Variants in PTPRN2 observed in about 807,000 individuals in gnomAD.
The protein encoded by PTPRN2 is receptor-type tyrosine-protein phosphatase N2.
A neutral mutation model predicts 118.8 loss-of-function variants in PTPRN2; 74 were observed. The observed-to-expected ratio is 0.62, with a 90% confidence interval of 0.52 to 0.76. The LOEUF is 0.76. Among genes scored for constraint, PTPRN2 ranks in the 30% least tolerant of loss-of-function variants. PTPRN2 has a pLI of 0.00. For synonymous variants in PTPRN2, 641 were observed against 608.0 expected (o/e 1.05, Z -0.80); for missense variants, 1,481 against 1,394.4 (o/e 1.06, Z -0.99).
intron 3 of PTPRN2, among the ~76,000 whole-genome samples, chr7:158,275,729 T>C (rs1026344470): frequency 1.3e-5 from 2 of 152,166 alleles, no homozygotes; most frequent in Non-Finnish European, 2.9e-5. Flanking sequence ...GCCCCCACCC[T>C]GCGCACCTCC....
intron 12 of PTPRN2, among the ~76,000 whole-genome samples, chr7:157,886,167 C>T (rs769097968): frequency 1.5e-4 from 23 of 152,154 alleles, no homozygotes; most frequent in Admixed American, 1.2e-3. Flanking sequence ...TTTGGTGCCA[C>T]GTGAGCCAGG....
chr7:158,177,307 G>A lies in PTPRN2; in HGVS notation c.550-10016C>T, dbSNP rs552138834. On this transcript the variant is annotated intron_variant, in intron 5 of 22. Coordinates refer to ENST00000389418, the MANE Select transcript of PTPRN2 (RefSeq NM_002847.5). ...TGACATGAAGTGGTTGTTCTTTATG[G>A]TTTTGTGAATAAGGATGCTAAGCAC... Among the ~76,000 whole-genome samples, 4 of 152,128 alleles carry A rather than the reference G, an allele frequency of 2.6e-5. No homozygotes were observed. The East Asian group carries it at 7.7e-4, about 29-fold the overall frequency.
At chr7:157,847,104 C>T (rs1374495774) in intron 12 of PTPRN2, among the ~76,000 whole-genome samples, 5 of 138,256 alleles carry the variant, frequency 3.6e-5, no homozygotes, top group East Asian at 2.4e-4. Context: ...TCTCTGACTC[C>T]ATCATGTGTG....
intron 14 of PTPRN2, among the ~76,000 whole-genome samples, chr7:157,653,235 C>A (rs772268591): frequency 6.6e-6 from 1 of 152,156 alleles, no homozygotes; most frequent in Non-Finnish European, 1.5e-5. Context: ...CACGTTTTGT[C>A]CAACGTGCCC....
chr7:157,771,971 CACAT>C (rs1802861453), intron 12 of PTPRN2, among the ~76,000 whole-genome samples: 2 of 151,872 alleles, frequency 1.3e-5, no homozygotes, highest in South Asian at 2.1e-4. Context: ...CAGACACACA[CACAT>C]ACACACGGAC....
chr7:158,457,414 C>A (rs115837695), intron 2 of PTPRN2, among the ~76,000 whole-genome samples: 3,727 of 152,138 alleles, frequency 0.024, 133 homozygotes, highest in African/African-American at 0.074. Flanking sequence ...ACACCACTAG[C>A]CCTGAAAGCA....
At position 158,312,337 on chromosome 7, in the gene PTPRN2, C is replaced by T. The variant is rs181909507; in HGVS notation, c.277+4482G>A. On this transcript the variant is annotated intron_variant, in intron 3 of 22. Transcript: ENST00000389418. ...ACACCCACACACATCTGCACATGCA[C>T]TCACGTGCTCAGGTGTAGACACACA... Among the ~76,000 whole-genome samples the T allele has an allele frequency of 2.9e-3, 387 of 131,764 alleles. 3 individuals carry two copies. Among genetic ancestry groups the T allele is most frequent in the African/African-American group, 0.01 (364 of 36,164 alleles). 86.4% of individuals were successfully genotyped at this position (131,764 alleles called of 152,430 possible).
At chr7:158,001,938 C>T (rs1805293980) in intron 11 of PTPRN2, among the ~76,000 whole-genome samples, 1 of 152,230 alleles carries the variant, frequency 6.6e-6, no homozygotes, top group African/African-American at 2.4e-5. Context: ...GATCCTCCTC[C>T]AGCCGGAAGC....
At chr7:157,771,947 GACAC>G (rs755143351) in intron 12 of PTPRN2, among the ~76,000 whole-genome samples, 2 of 136,414 alleles carry the variant, frequency 1.5e-5, no homozygotes, top group East Asian at 2.1e-4. Context: ...CACATACAAA[GACAC>G]ACATACAGAC....
At chr7:157,775,503 A>G (rs562314940) in intron 12 of PTPRN2, among the ~76,000 whole-genome samples, 10 of 152,348 alleles carry the variant, frequency 6.6e-5, no homozygotes, top group African/African-American at 2.4e-4. Context: ...CTTCCTGAAT[A>G]CAGGACTCGA....
chr7:157,787,976 C>T lies in PTPRN2; in HGVS notation c.1789-105039G>A, dbSNP rs563766338. 1.3e-5 allele frequency among the ~76,000 whole-genome samples: 2 copies of T among 152,342 alleles called. No individual in the cohort carries two copies. The highest frequency in any genetic ancestry group is 1.9e-4 in the East Asian group (1 of 5,176). ...CCAGCACCGGGTCCCCTGGGAACCA[C>T]GCAGCCGGGGCCTGGAGGCCGACAC... On this transcript the variant is annotated intron_variant, in intron 12 of 22. Transcript: ENST00000389418. This position sits in a 1 kb window ranked among gnomAD's most constrained non-coding sequence, Gnocchi z 5.3.
intron 6 of PTPRN2, among the ~76,000 whole-genome samples, chr7:158,141,049 G>A (rs974898804): frequency 2.0e-5 from 3 of 152,138 alleles, no homozygotes; most frequent in East Asian, 1.9e-4. Context: ...CTCCACTGTA[G>A]GGGGGTCCCG....
chr7:158,130,660 C>G (rs1474684614), intron 9 of PTPRN2, among the ~76,000 whole-genome samples: 1 of 150,658 alleles, frequency 6.6e-6, no homozygotes, highest in African/African-American at 2.5e-5. Context: ...ATCTACCTGA[C>G]TCATACACAC....
At chr7:157,666,134 TAA>T (rs57919844) in intron 13 of PTPRN2, among the ~76,000 whole-genome samples, 38 of 143,660 alleles carry the variant, frequency 2.6e-4, no homozygotes, top group Admixed American at 5.5e-4. Flanking sequence ...AAAGTATAAT[TAA>T]AAAAAAAAAA....
chr7:157,971,677 A>T (rs574619172), intron 11 of PTPRN2, among the ~76,000 whole-genome samples: 7 of 147,898 alleles, frequency 4.7e-5, no homozygotes, highest in African/African-American at 1.7e-4. Context: ...CCAAGCCAAT[A>T]AAAAAAAAAG....
chr7:158,378,438 C>T (rs764169456), intron 2 of PTPRN2, among the ~76,000 whole-genome samples: 4 of 152,152 alleles, frequency 2.6e-5, no homozygotes, highest in African/African-American at 9.7e-5. Flanking sequence ...AAGGGGGAAC[C>T]GCAGGTCCCA....
At chr7:157,712,878 G>T (rs1385598265) in intron 12 of PTPRN2, among the ~76,000 whole-genome samples, 2 of 152,198 alleles carry the variant, frequency 1.3e-5, no homozygotes, top group Non-Finnish European at 2.9e-5. Flanking sequence ...GAGCTGTCAG[G>T]TGCTGGCAGA....
intron 12 of PTPRN2, among the ~76,000 whole-genome samples, chr7:157,854,305 C>A (rs1379007085): frequency 6.6e-6 from 1 of 152,212 alleles, no homozygotes; most frequent in Non-Finnish European, 1.5e-5. Context: ...GCCTCTGCCC[C>A]ACCCTCAGCT....
chr7:158,284,416 A>G (rs142946412), intron 3 of PTPRN2, among the ~76,000 whole-genome samples: 5 of 152,288 alleles, frequency 3.3e-5, no homozygotes, highest in African/African-American at 7.2e-5. Flanking sequence ...TTGATGCTCT[A>G]TGAGTAAGTG....
Sources: allele counts gnomAD v4.1 joint callset (sites outside exome capture counted in the v4.1 genomes callset), GRCh38; gene constraint gnomAD v4.1.1; non-coding constraint Gnocchi (gnomAD v3.1); transcripts MANE v1.5; gene names NCBI Gene and HGNC (gene_info 2026-07-23, HGNC 2026-07-21).